The following AHNAK2 variants were observed in gnomAD, a reference collection of about 807,000 sequenced individuals.
The protein encoded by AHNAK2 is protein AHNAK2.
Under a neutral mutation model 30.7 loss-of-function variants are expected in AHNAK2, and 18 were observed. The observed-to-expected ratio is 0.59, with a 90% confidence interval of 0.41 to 0.87. The LOEUF is 0.87. Among genes scored for constraint, AHNAK2 ranks in the 40% least tolerant of loss-of-function variants. The probability of loss-of-function intolerance (pLI) is 0.00; values close to 1 mark genes in which losing one functional copy is unlikely to be tolerated. For synonymous variants in AHNAK2, 3,590 were observed against 3,073.8 expected (o/e 1.17, Z -5.56); for missense variants, 8,604 against 7,373.0 (o/e 1.17, Z -6.11).
chr14:104,964,429 C>G (rs895052935), intron 1 of AHNAK2, among the ~76,000 whole-genome samples: 2 of 152,122 alleles, frequency 1.3e-5, no homozygotes, highest in South Asian at 2.1e-4. Flanking sequence ...CCTGGTAGAG[C>G]CTTACCCTGT....
chr14:104,954,598 A>G lies in AHNAK2; in HGVS notation c.853T>C (p.Tyr285His). 1 of 1,610,406 alleles carries G rather than the reference A, an allele frequency of 6.2e-7. No homozygotes were observed. Among genetic ancestry groups the G allele is most frequent in the East Asian group, 2.2e-5 (1 of 44,802 alleles). ...ACGTCATGTGCGTCCCTAGGTTCGT[A>G]GGCCTCTGACGAGCTGTGTGACCTC... ...PQRSHSSSEA[Y>H]EPRDAHDVSP... The change falls in exon 7 of 7, where the codon TAC (tyrosine) becomes CAC (histidine). Residue 285 changes from tyrosine (Y) to histidine (H), a missense_variant. By Grantham distance (83) the Tyr-to-His change is moderately conservative (BLOSUM62 2). Coordinates refer to ENST00000333244, the MANE Select transcript of AHNAK2 (RefSeq NM_138420.4). The surrounding 1 kb of genome is among the most constrained non-coding windows in gnomAD (Gnocchi z 4.3).
At chr14:104,964,893 C>T (rs1359411567) in intron 1 of AHNAK2, among the ~76,000 whole-genome samples, 1 of 152,202 alleles carries the variant, frequency 6.6e-6, no homozygotes, top group African/African-American at 2.4e-5. Context: ...ATAAACTTTA[C>T]ACTAATAAAT....
chr14:104,945,649 C>T lies in AHNAK2; in HGVS notation c.9802G>A (p.Glu3268Lys). The change falls in exon 7 of 7, where the codon GAG (glutamate) becomes AAG (lysine). Residue 3268 changes from glutamate to lysine, a missense_variant. Physicochemically the swap from Glu to Lys is moderately conservative, Grantham distance 56 (BLOSUM62 1). Coordinates refer to ENST00000333244, the MANE Select transcript of AHNAK2 (RefSeq NM_138420.4). ...ACCTCCATGCTGGGCTGAGACACCT[C>T]CACGTCGGGGGCCGTCACATCCATC... Reference protein sequence around the residue: ...PKMDVTAPDVEVSQPSMEVDV... With the variant: ...PKMDVTAPDVKVSQPSMEVDV... 1 of 1,579,012 alleles carries T rather than the reference C, an allele frequency of 6.3e-7. No homozygotes were observed. Among genetic ancestry groups the T allele is most frequent in the Middle Eastern group, 1.7e-4 (1 of 5,744 alleles).
At position 104,942,441 on chromosome 14, in the gene AHNAK2, A is replaced by G. The variant is rs372202313; in HGVS notation, c.13010T>C (p.Met4337Thr). Reference sequence around the variant, plus strand: ...GTGAGTGGTCTTCAGGTCCCCCTGCATGGAGGGGAGGCTCACGTCAGCCTC... The same window carrying G: ...GTGAGTGGTCTTCAGGTCCCCCTGCGTGGAGGGGAGGCTCACGTCAGCCTC... ...KVEADVSLPS[M>T]QGDLKTTHLS... Residue 4337 changes from methionine to threonine, a missense_variant, in exon 7 of 7, where the codon ATG becomes ACG. Physicochemically the swap from Met to Thr is moderately conservative, Grantham distance 81. Coordinates refer to ENST00000333244, the MANE Select transcript of AHNAK2 (RefSeq NM_138420.4). 2.0e-5 allele frequency: 32 copies of G among 1,612,740 alleles called. No homozygotes were observed. The highest frequency in any genetic ancestry group is 5.4e-5 in the African/African-American group (4 of 74,600).
chr14:104,945,254 G>C lies in AHNAK2; in HGVS notation c.10197C>G (p.Phe3399Leu), dbSNP rs573991771. Residue 3399 changes from phenylalanine to leucine, a missense_variant, in exon 7 of 7, where the codon TTC (phenylalanine) becomes TTG (leucine). Phe to Leu is a conservative substitution (Grantham distance 22, BLOSUM62 0). Coordinates refer to ENST00000333244, the MANE Select transcript of AHNAK2 (RefSeq NM_138420.4). ...GHLPKVEMPS[F>L]KMPKVDLKSP... The stretch of plus-strand genomic sequence containing the variant: ...TCTTGAGGTCCACTTTGGGCATCTT[G>C]AAACTGGGCATCTCCACCTTGGGCA... The C allele has an allele frequency of 4.6e-5, 74 of 1,610,364 alleles. No homozygotes were observed. The highest frequency in any genetic ancestry group is 4.2e-4 in the Admixed American group (25 of 59,610).
rs764636512 is a variant in AHNAK2 at position 104,953,206 on chromosome 14, G to A, written c.2245C>T (p.Pro749Ser). The change falls in exon 7 of 7, where the codon CCC (proline) becomes TCC (serine). Residue 749 changes from proline (P) to serine (S), a missense_variant. Pro to Ser is a moderately conservative substitution (Grantham distance 74, BLOSUM62 -1). Coordinates refer to ENST00000333244, the MANE Select transcript of AHNAK2 (RefSeq NM_138420.4). Reference sequence around the variant, plus strand: ...TGCCCTTTGAGGCTGGCTCCCTCGGGCAGGGGGCCCTCCGGAAGTTTCACA... The same window carrying A: ...TGCCCTTTGAGGCTGGCTCCCTCGGACAGGGGGCCCTCCGGAAGTTTCACA... ...VDVKLPEGPL[P>S]EGASLKGHLP... is the part of the protein sequence containing the mutation. The A allele has an allele frequency of 4.3e-6, 7 of 1,612,622 alleles. No homozygotes were observed. The Admixed American group carries it at 5.0e-5, about 12-fold the overall frequency.
Position 104,939,475 on chromosome 14 carries a change from C to T in AHNAK2, c.15976G>A (p.Asp5326Asn). 1.2e-6 allele frequency: 2 copies of T among 1,613,518 alleles called. No individual in the cohort carries two copies. Among genetic ancestry groups the T allele is most frequent in the Non-Finnish European group, 1.7e-6 (2 of 1,179,814 alleles). Residue 5326 changes from aspartate (D) to asparagine (N), a missense_variant, in exon 7 of 7, where the codon GAT (aspartate) becomes AAT (asparagine). Coordinates refer to ENST00000333244, the MANE Select transcript of AHNAK2 (RefSeq NM_138420.4). ...CCTGGCTTGGAAAGAGGAGTCTCAT[C>T]TATTTCTCCTGGAAGAACCTGGGTT... is the stretch of plus-strand genomic sequence containing the variant. ...PETQVLPGEI[D>N]ETPLSKPGHD... is the part of the protein sequence containing the mutation.
chr14:104,946,406 G>A lies in AHNAK2; in HGVS notation c.9045C>T (p.Pro3015=), dbSNP rs767139758. Residue 3015 remains proline, a synonymous_variant, in exon 7 of 7, where the codon CCC becomes CCT. Coordinates refer to ENST00000333244, the MANE Select transcript of AHNAK2 (RefSeq NM_138420.4). ...APKVEAEVSL[P]SMQGDLKTTD... is the part of the protein sequence containing the mutation. Reference sequence around the variant, plus strand: ...TGGTCTTCAGGTCCCCCTGCATGGAGGGGAGGCTCACTTCGGCCTCCACCT... The same window carrying A: ...TGGTCTTCAGGTCCCCCTGCATGGAAGGGAGGCTCACTTCGGCCTCCACCT... 14 of 1,612,668 alleles carry A rather than the reference G, an allele frequency of 8.7e-6. No individual in the cohort carries two copies. The highest frequency in any genetic ancestry group is 4.5e-5 in the East Asian group (2 of 44,686).
At position 104,953,023 on chromosome 14, in the gene AHNAK2, G is replaced by A. The variant is rs371935670; in HGVS notation, c.2428C>T (p.Leu810=). ...EVDVQAPRAK[L]DGARLEGDLS... ...TCCCCCTCCAGCCGCGCACCATCCA[G>A]CTTTGCTCTCGGGGCCTGGACGTCC... Residue 810 remains leucine, a synonymous_variant, in exon 7 of 7, where the codon CTG becomes TTG. Coordinates refer to ENST00000333244, the MANE Select transcript of AHNAK2 (RefSeq NM_138420.4). The A allele has an allele frequency of 5.0e-4, 807 of 1,613,194 alleles. 14 individuals are homozygous for A. The African/African-American group carries it at 9.5e-3, about 19-fold the overall frequency.
rs760002539 is a variant in AHNAK2 at position 104,942,870 on chromosome 14, G to A, written c.12581C>T (p.Ala4194Val). 1 of 1,612,890 alleles carries A rather than the reference G, an allele frequency of 6.2e-7. No individual in the cohort carries two copies. Among genetic ancestry groups the A allele is most frequent in the Non-Finnish European group, 8.5e-7 (1 of 1,179,580 alleles). The change falls in exon 7 of 7, where the codon GCT (alanine) becomes GTT (valine). Residue 4194 changes from alanine (A) to valine (V), a missense_variant. Physicochemically the swap from Ala to Val is moderately conservative, Grantham distance 64. Coordinates refer to ENST00000333244, the MANE Select transcript of AHNAK2 (RefSeq NM_138420.4). The stretch of plus-strand genomic sequence containing the variant: ...CGGGAGTTTCACGTCCACTTGGCCA[G>A]CCTGGACCTCCAGGTCGGCGGAAGG... ...QSPSADLEVQ[A>V]GQVDVKLPEG...
chr14:104,941,335 C>A lies in AHNAK2; in HGVS notation c.14116G>T (p.Val4706Leu). The A allele has an allele frequency of 6.2e-7, 1 of 1,613,564 alleles. No individual in the cohort carries two copies. Among genetic ancestry groups the A allele is most frequent in the Non-Finnish European group, 8.5e-7 (1 of 1,179,890 alleles). ...GTAGAAGAAAATGAAACTTTGGGCACTTTAAAATGCAGTTTCTTAAACTTC... is the reference window on the plus strand; with the variant it reads ...GTAGAAGAAAATGAAACTTTGGGCAATTTAAAATGCAGTTTCTTAAACTTC... ...DSKFKKLHFKVPKVSFSSTKT... is the reference protein window; with the variant it reads ...DSKFKKLHFKLPKVSFSSTKT... Residue 4706 changes from valine (V) to leucine (L), a missense_variant, in exon 7 of 7, where the codon GTG becomes TTG. Transcript: ENST00000333244.
In AHNAK2 at chr14:104,942,014, G is replaced by C. The variant is rs1367758341; in HGVS notation, c.13437C>G (p.Gly4479=). ...CATCCACCGAGACCTCGATGGACTT[G>C]CCTGGGGACAACATCCCAAAGGATG... is the stretch of plus-strand genomic sequence containing the variant. ...KMPSFGMLSP[G]KSIEVSVDVS... Residue 4479 remains glycine, a synonymous_variant, in exon 7 of 7, where the codon GGC becomes GGG. Coordinates refer to ENST00000333244, the MANE Select transcript of AHNAK2 (RefSeq NM_138420.4). 3.7e-6 allele frequency: 6 copies of C among 1,613,028 alleles called. 1 individual carries two copies. In the South Asian group the frequency reaches 6.6e-5, roughly 18 times the overall value.
chr14:104,978,206 G>A lies in AHNAK2; in HGVS notation c.32C>T (p.Thr11Ile), dbSNP rs1288787751. Residue 11 changes from threonine (T) to isoleucine (I), a missense_variant, in exon 1 of 7, where the codon ACC (threonine) becomes ATC (isoleucine). By Grantham distance (89) the Thr-to-Ile change is moderately conservative (BLOSUM62 -1). Transcript: ENST00000333244. MCDCFHMVLP[T>I]WPGTPGSVSG... ...ACCGCTGCCGGGGGTTCCGGGCCAG[G>A]TGGGCAGCACCATGTGGAAGCAGTC... is the stretch of plus-strand genomic sequence containing the variant. The A allele has an allele frequency of 6.6e-6, 8 of 1,217,406 alleles. No individual in the cohort carries two copies. Among genetic ancestry groups the A allele is most frequent in the Non-Finnish European group, 8.2e-6 (8 of 977,694 alleles). The allele number at this position is 1,217,406 out of a possible 1,614,324, so 75.4% of individuals were successfully genotyped here.
intron 1 of AHNAK2, 86 bp from the exon 2 acceptor site, chr14:104,957,758 A>G: frequency 1.5e-6 from 2 of 1,340,158 alleles, no homozygotes; most frequent in Non-Finnish European, 2.1e-6. Context: ...CTGTATGTAC[A>G]CTGTGGAGGT....
rs201187390 is a variant in AHNAK2, at chr14:104,951,782, G to A, written c.3669C>T (p.His1223=). Residue 1223 remains histidine (H), a synonymous_variant, in exon 7 of 7, where the codon CAC becomes CAT. Transcript: ENST00000333244. ...GGAGCTTCACGTCCACCTGGCCAGCGTGGACCTCCAGGTCAGCGGAAGGGG... is the reference window on the plus strand; with the variant it reads ...GGAGCTTCACGTCCACCTGGCCAGCATGGACCTCCAGGTCAGCGGAAGGGG... The part of the protein sequence containing the change: ...IQPPSADLEV[H]AGQVDVKLLE... The A allele has an allele frequency of 4.3e-5, 46 of 1,078,864 alleles. 11 individuals are homozygous for A. Among genetic ancestry groups the A allele is most frequent in the African/African-American group, 1.6e-4 (9 of 57,442 alleles). 66.8% of individuals were successfully genotyped at this position (1,078,864 alleles called of 1,614,324 possible).
At chr14:104,959,267 G>C (rs1899066437) in intron 1 of AHNAK2, among the ~76,000 whole-genome samples, 1 of 152,210 alleles carries the variant, frequency 6.6e-6, no homozygotes, top group Non-Finnish European at 1.5e-5. Context: ...CCGCCTCCCA[G>C]GTTCAAGTGA....
Position 104,949,895 on chromosome 14 carries a change from C to A in AHNAK2, c.5556G>T (p.Lys1852Asn), listed in dbSNP as rs552056776. 9 of 1,586,034 alleles carry A rather than the reference C, an allele frequency of 5.7e-6. 1 individual carries two copies. Among genetic ancestry groups the A allele is most frequent in the Non-Finnish European group, 7.7e-6 (9 of 1,161,618 alleles). ...AGGGGAGGCTCACTTCGGCCTCCAC[C>A]TTCGGCGCAGACACATCCACCGAGG... ...IEASVDVSAP[K>N]VEAEVSLPSM... Residue 1852 changes from lysine (K) to asparagine (N), a missense_variant, in exon 7 of 7, where the codon AAG becomes AAT. By Grantham distance (94) the Lys-to-Asn change is moderately conservative. Coordinates refer to ENST00000333244, the MANE Select transcript of AHNAK2 (RefSeq NM_138420.4).
At position 104,950,682 on chromosome 14, in the gene AHNAK2, T is replaced by G. The variant is rs201967282; in HGVS notation, c.4769A>C (p.Asp1590Ala). 3.6e-4 allele frequency: 567 copies of G among 1,583,740 alleles called. 51 individuals carry two copies. The South Asian group carries it at 5.1e-3, about 14-fold the overall frequency. The change falls in exon 7 of 7, where the codon GAC becomes GCC. Residue 1590 changes from aspartate (D) to alanine (A), a missense_variant. Transcript: ENST00000333244. ...AACATCTATCTGGGGCCCCTTGAGG[T>G]CCACTTTGGGCATCTTGAAACTGGG... ...QMPSFKMPKVDLKGPQIDVKG... is the reference protein window; with the variant it reads ...QMPSFKMPKVALKGPQIDVKG...
Position 104,946,863 on chromosome 14 carries a change from A to T in AHNAK2, c.8588T>A (p.Ile2863Asn). The T allele has an allele frequency of 7.4e-6, 12 of 1,612,434 alleles. No homozygotes were observed. The highest frequency in any genetic ancestry group is 1.0e-5 in the Non-Finnish European group (12 of 1,179,628). Residue 2863 changes from isoleucine to asparagine, a missense_variant, in exon 7 of 7, where the codon ATT becomes AAT. Physicochemically the swap from Ile to Asn is moderately radical, Grantham distance 149. Transcript: ENST00000333244. ...CTCCAGTTGGGCGGAGGGGGGCTGA[A>T]TGCGGATGTCAGTGGTCTTAAGATC... ...QGDLKTTDIR[I>N]QPPSAQLEVQ... is the part of the protein sequence containing the mutation.
Sources: allele counts gnomAD v4.1 joint callset (sites outside exome capture counted in the v4.1 genomes callset), GRCh38; gene constraint gnomAD v4.1.1; non-coding constraint Gnocchi (gnomAD v3.1); transcripts MANE v1.5; gene names NCBI Gene and HGNC (gene_info 2026-07-23, HGNC 2026-07-21).